Variants in FAM13A observed in about 807,000 individuals in gnomAD.
The protein encoded by FAM13A is family with sequence similarity 13 member A.
A neutral mutation model predicts 129.6 loss-of-function variants in FAM13A; 76 were observed. The observed-to-expected ratio is 0.59, with a 90% CI of 0.49 to 0.71. The LOEUF (loss-of-function observed/expected upper bound fraction) is 0.71. FAM13A is among the 30% of genes least tolerant of loss of function. The probability of loss-of-function intolerance (pLI) is 0.00; values close to 1 mark genes in which losing one functional copy is unlikely to be tolerated. For synonymous variants in FAM13A, 443 were observed against 449.9 expected (o/e 0.98, Z 0.20); for missense variants, 1,108 against 1,249.3 (o/e 0.89, Z 1.70).
chr4:88,733,080 A>G (rs1339311433), intron 21 of FAM13A, among the ~76,000 whole-genome samples: 1 of 152,228 alleles, frequency 6.6e-6, no homozygotes, highest in African/African-American at 2.4e-5. Flanking sequence ...ATACAGCCAC[A>G]TAAAAAATGG....
intron 3 of FAM13A, among the ~76,000 whole-genome samples, chr4:89,002,158 A>G (rs373195343): frequency 2.8e-5 from 4 of 142,792 alleles, no homozygotes; most frequent in African/African-American, 1.1e-4. Context: ...ATACTTAAAA[A>G]GTGTAAGCAC....
intron 4 of FAM13A, among the ~76,000 whole-genome samples, chr4:88,954,369 T>C (rs1757411391): frequency 6.6e-6 from 1 of 152,212 alleles, no homozygotes; most frequent in Admixed American, 6.5e-5. Context: ...TGCAGTAAAC[T>C]GCCATCTATC....
At chr4:88,960,572 C>A (rs1416238257) in intron 4 of FAM13A, among the ~76,000 whole-genome samples, 2 of 152,126 alleles carry the variant, frequency 1.3e-5, no homozygotes, top group East Asian at 1.9e-4. Context: ...AACAACAAAA[C>A]CTCATTTGAA....
At chr4:89,051,264 C>A (rs149895933) in intron 1 of FAM13A, among the ~76,000 whole-genome samples, 1 of 152,310 alleles carries the variant, frequency 6.6e-6, no homozygotes, top group East Asian at 1.9e-4. Flanking sequence ...TCTGGTTCCA[C>A]AAATGGCTAT....
Position 88,728,427 on chromosome 4 carries a change from C to CAT in FAM13A, c.*104_*105dup. The stretch of plus-strand genomic sequence containing the variant: ...AAATGGTCTAGAGGCAGAAGGGCTG[C>CAT]ATGCTTTGCAGGGCCAGCCCCAAGG... On this transcript the variant is annotated 3_prime_UTR_variant, in exon 24 of 24. Transcript: ENST00000264344. The CAT allele has an allele frequency of 7.2e-7, 1 of 1,389,592 alleles. No individual in the cohort carries two copies. Among genetic ancestry groups the CAT allele is most frequent in the East Asian group, 2.3e-5 (1 of 43,432 alleles). 86.1% of individuals were successfully genotyped at this position (1,389,592 alleles called of 1,614,324 possible).
chr4:88,961,726 T>C (rs1478582754), intron 4 of FAM13A, among the ~76,000 whole-genome samples: 1 of 152,106 alleles, frequency 6.6e-6, no homozygotes, highest in Non-Finnish European at 1.5e-5. Context: ...TAAATAAATG[T>C]ATGACATGAT....
At chr4:88,861,649 G>A (rs938336183) in intron 6 of FAM13A, among the ~76,000 whole-genome samples, 1 of 152,116 alleles carries the variant, frequency 6.6e-6, no homozygotes, top group Non-Finnish European at 1.5e-5. Flanking sequence ...ACTAGGCCCT[G>A]ACATCATTAA....
intron 7 of FAM13A, among the ~76,000 whole-genome samples, chr4:88,837,016 C>A (rs375732913): frequency 3.2e-4 from 48 of 151,722 alleles, no homozygotes; most frequent in Middle Eastern, 3.4e-3. Context: ...TTTTTTGAAA[C>A]GAAGTTTCAC....
chr4:88,728,445 C>T lies in FAM13A; in HGVS notation c.*88G>A. On this transcript the variant is annotated 3_prime_UTR_variant, in exon 24 of 24. Transcript: ENST00000264344. ...AGGGCTGCATGCTTTGCAGGGCCAG[C>T]CCCAAGGCTGCCTTCCAGAGCTGCA... is the stretch of plus-strand genomic sequence containing the variant. 1.9e-6 allele frequency: 3 copies of T among 1,556,886 alleles called. No homozygotes were observed. Among genetic ancestry groups the T allele is most frequent in the Non-Finnish European group, 2.6e-6 (3 of 1,135,104 alleles).
At chr4:88,764,731 T>C (rs543580794) in intron 13 of FAM13A, among the ~76,000 whole-genome samples, 1 of 152,320 alleles carries the variant, frequency 6.6e-6, no homozygotes, top group Admixed American at 6.5e-5. Context: ...ATTGCCCAGA[T>C]AGGATATTTT....
intron 18 of FAM13A, 131 bp downstream of exon 18, chr4:88,747,500 C>T: frequency 2.6e-6 from 2 of 756,694 alleles, no homozygotes; most frequent in South Asian, 1.7e-5. Context: ...CATCAGCTTC[C>T]CTAGACACGT....
intron 4 of FAM13A, among the ~76,000 whole-genome samples, chr4:88,961,325 TCCTCAG>T (rs1452368052): frequency 7.3e-6 from 1 of 137,262 alleles, no homozygotes; most frequent in African/African-American, 2.7e-5. Context: ...TAAAAACAAA[TCCTCAG>T]CTTTGTGGAA....
chr4:89,011,975 GTATC>G (rs1765797845), intron 3 of FAM13A, among the ~76,000 whole-genome samples: 1 of 151,836 alleles, frequency 6.6e-6, no homozygotes, highest in Non-Finnish European at 1.5e-5. Flanking sequence ...GTATTACTCA[GTATC>G]TATTTAGAAG....
chr4:88,829,208 T>C (rs1443082299), intron 7 of FAM13A, among the ~76,000 whole-genome samples: 13 of 152,214 alleles, frequency 8.5e-5, no homozygotes. Context: ...TATATTAAAA[T>C]AATTTATTTC....
intron 10 of FAM13A, among the ~76,000 whole-genome samples, chr4:88,781,679 T>A (rs1476660006): frequency 6.6e-6 from 1 of 152,044 alleles, no homozygotes; most frequent in Admixed American, 6.6e-5. Flanking sequence ...TCACAGTAGA[T>A]GTTTAAATAT....
intron 6 of FAM13A, among the ~76,000 whole-genome samples, chr4:88,895,589 C>G (rs1223427940): frequency 6.7e-6 from 1 of 148,474 alleles, no homozygotes; most frequent in African/African-American, 2.5e-5. Context: ...AACAAACAAC[C>G]CCATCAAAAA....
chr4:89,054,716 A>G (rs1772007526), intron 1 of FAM13A, among the ~76,000 whole-genome samples: 1 of 152,092 alleles, frequency 6.6e-6, no homozygotes, highest in African/African-American at 2.4e-5. Context: ...CCATCAGAAA[A>G]GAGACTAAAA....
intron 11 of FAM13A, among the ~76,000 whole-genome samples, chr4:88,771,674 AAAG>A (rs1465137388): frequency 1.3e-5 from 2 of 152,178 alleles, no homozygotes; most frequent in African/African-American, 4.8e-5. Context: ...AAAAAGCAGC[AAAG>A]AAGAAGATTG....
chr4:88,749,166 A>C, intron 16 of FAM13A, 133 bp from the exon 17 acceptor site: 1 of 709,734 alleles, frequency 1.4e-6, no homozygotes, highest in Non-Finnish European at 2.5e-6. Context: ...AACACGACCA[A>C]TCAGAGCAAA....
Sources: gnomAD v4.1 joint callset for allele counts (sites outside exome capture counted in the v4.1 genomes callset) on GRCh38, gnomAD v4.1.1 for gene constraint, MANE v1.5 for transcripts, NCBI Gene and HGNC (gene_info 2026-07-23, HGNC 2026-07-21) for gene names.